Variants in ZNF420 observed in about 807,000 individuals in gnomAD.
ZNF420 encodes zinc finger protein 420, also known as ATM and p53-associated KZNF protein.
In ZNF420, 31 loss-of-function variants were observed where a neutral mutation model predicts 44.7. That is an observed-to-expected ratio of 0.69 (90% CI 0.52 to 0.94). ZNF420 has a LOEUF of 0.94. ZNF420 is among the 40% of genes least tolerant of loss of function. The pLI is 0.00. For missense variants in ZNF420, 681 were observed against 827.9 expected (o/e 0.82, Z 2.18); for synonymous variants, 245 against 267.4 (o/e 0.92, Z 0.82).
At chr19:37,020,746 A>G (rs28631881) in intron 1 of ZNF420, among the ~76,000 whole-genome samples, 24,681 of 152,246 alleles carry the variant, frequency 0.16, 2,138 homozygotes, top group African/African-American at 0.23. Context: ...ATATGCTGCA[A>G]CATGGATGTT....
intron 1 of ZNF420, among the ~76,000 whole-genome samples, chr19:37,041,591 A>G (rs1184231308): frequency 6.6e-6 from 1 of 152,224 alleles, no homozygotes; most frequent in East Asian, 1.9e-4. Flanking sequence ...GATGCTTTTC[A>G]TAGCAGCTTT....
At chr19:37,057,525 AGT>A in intron 1 of ZNF420, among the ~76,000 whole-genome samples, 1 of 151,632 alleles carries the variant, frequency 6.6e-6, no homozygotes, top group South Asian at 2.1e-4. Context: ...TGTGTGTGCC[AGT>A]GTGGGTGTGT....
intron 4 of ZNF420, among the ~76,000 whole-genome samples, chr19:37,120,113 C>T (rs1428917968): frequency 6.6e-6 from 1 of 152,210 alleles, no homozygotes; most frequent in Non-Finnish European, 1.5e-5. Context: ...TCCTGCCTAA[C>T]TCATTTTATG....
intron 1 of ZNF420, among the ~76,000 whole-genome samples, chr19:37,011,616 C>A (rs905846815): frequency 9.2e-5 from 14 of 152,106 alleles, no homozygotes; most frequent in African/African-American, 3.4e-4. Context: ...CAAAATGTGG[C>A]TTGGATTCAC....
intron 1 of ZNF420, among the ~76,000 whole-genome samples, chr19:37,030,166 T>A (rs1967231434): frequency 6.6e-6 from 1 of 152,118 alleles, no homozygotes; most frequent in African/African-American, 2.4e-5. Context: ...TTGTTGTTGT[T>A]GTTGTTGTTG....
intron 1 of ZNF420, among the ~76,000 whole-genome samples, chr19:37,023,199 CTGTT>C (rs2074662238): frequency 6.6e-6 from 1 of 152,074 alleles, no homozygotes; most frequent in South Asian, 2.1e-4. Context: ...TCACACAGCT[CTGTT>C]TGATGACTTT....
chr19:37,048,268 G>A (rs1362382539), intron 1 of ZNF420, among the ~76,000 whole-genome samples: 1 of 152,180 alleles, frequency 6.6e-6, no homozygotes, highest in Non-Finnish European at 1.5e-5. Flanking sequence ...AGAAGCATCA[G>A]TAGGATGAAA....
Position 37,012,812 on chromosome 19 carries a change from GTC to G in ZNF420, c.-125+4733_-125+4734del, listed in dbSNP as rs1568418201. The stretch of plus-strand genomic sequence containing the variant: ...TGTGTGTGTGTGTGTGTGTGTGTGT[GTC>G]TCCCATTCTCTCTTCCATCTCTGTC... On this transcript the variant is annotated intron_variant, in intron 1 of 4. Transcript: ENST00000587029. Among the ~76,000 whole-genome samples the G allele has an allele frequency of 3.5e-5, 5 of 142,044 alleles. 1 individual carries two copies. Among genetic ancestry groups the G allele is most frequent in the African/African-American group, 1.2e-4 (4 of 33,984 alleles). The allele number at this position is 142,044 out of a possible 152,430, so 93.2% of individuals were successfully genotyped here. A position where few individuals can be genotyped will look rare whatever the true frequency, so the allele number is the denominator to read the frequency against.
At chr19:37,049,730 AT>A (rs1366170945) in intron 1 of ZNF420, among the ~76,000 whole-genome samples, 1 of 152,124 alleles carries the variant, frequency 6.6e-6, no homozygotes, top group East Asian at 1.9e-4. Context: ...ATTAGGTCCC[AT>A]TTGTCAATTT....
chr19:37,078,231 CG>C (rs1338578440), upstream of ZNF420: 1 of 152,412 alleles, frequency 6.6e-6, no homozygotes, highest in Non-Finnish European at 1.5e-5. Flanking sequence ...CAGAAACCTC[CG>C]GGGCGCTGCA....
chr19:37,055,573 C>T (rs1967729042), intron 1 of ZNF420, among the ~76,000 whole-genome samples: 1 of 152,218 alleles, frequency 6.6e-6, no homozygotes, highest in Non-Finnish European at 1.5e-5. Flanking sequence ...GGGGCTACAG[C>T]CTGACTTCCA....
intron 4 of ZNF420, among the ~76,000 whole-genome samples, chr19:37,124,658 GT>G (rs58942754): frequency 0.5 from 75,668 of 149,858 alleles, 19,576 homozygotes; most frequent in African/African-American, 0.58. Flanking sequence ...TTGGATAATT[GT>G]TTTTTTTTTC....
chr19:37,090,061 G>C (rs1018725692), intron 3 of ZNF420, among the ~76,000 whole-genome samples: 1 of 152,108 alleles, frequency 6.6e-6, no homozygotes, highest in Non-Finnish European at 1.5e-5. Flanking sequence ...CTTAAATAAT[G>C]AAGAGAGAAA....
chr19:37,124,187 C>T (rs1346102001), intron 4 of ZNF420, among the ~76,000 whole-genome samples: 1 of 152,180 alleles, frequency 6.6e-6, no homozygotes, highest in African/African-American at 2.4e-5. Context: ...TAAATAGAAT[C>T]AAAATATGGC....
intron 2 of ZNF420, among the ~76,000 whole-genome samples, chr19:37,082,228 T>A (rs1490480507): frequency 6.6e-6 from 1 of 152,166 alleles, no homozygotes. Context: ...AGTGGTGTGA[T>A]CTCAGCTCAC....
chr19:37,008,138 G>T, intron 1 of ZNF420: 2 of 298,804 alleles, frequency 6.7e-6, no homozygotes, highest in Non-Finnish European at 1.3e-5. Flanking sequence ...CTGCCTGTGT[G>T]CCTGTAGGCT....
chr19:37,076,483 T>C (rs533878536), upstream of ZNF420, among the ~76,000 whole-genome samples: 6 of 152,288 alleles, frequency 3.9e-5, no homozygotes, highest in African/African-American at 1.4e-4. Context: ...TGTTAACTCA[T>C]CATTTACATT....
chr19:37,013,545 AAGC>A (rs2074587783), intron 1 of ZNF420, among the ~76,000 whole-genome samples: 1 of 151,908 alleles, frequency 6.6e-6, no homozygotes, highest in Non-Finnish European at 1.5e-5. Flanking sequence ...AGTCACGGAG[AAGC>A]AGCGCGGGAT....
intron 1 of ZNF420, among the ~76,000 whole-genome samples, chr19:37,060,883 A>C (rs1439003288): frequency 4.6e-5 from 7 of 152,078 alleles, no homozygotes; most frequent in Non-Finnish European, 7.4e-5. Flanking sequence ...TCAGGGAACC[A>C]ACGGGACTGG....
Sources: gnomAD v4.1 joint callset for allele counts (sites outside exome capture counted in the v4.1 genomes callset) on GRCh38, gnomAD v4.1.1 for gene constraint, MANE v1.5 for transcripts, NCBI Gene and HGNC (gene_info 2026-07-23, HGNC 2026-07-21) for gene names.